TJP1: variants seen among roughly 807,000 people sequenced by gnomAD.
TJP1 encodes the protein tight junction protein 1, also known as tight junction protein ZO-1.
A neutral mutation model predicts 194.2 loss-of-function variants in TJP1; 43 were observed. That is an observed-to-expected ratio of 0.22 (90% CI 0.17 to 0.29). TJP1 has a LOEUF of 0.29. TJP1 is among the 10% of genes least tolerant of loss of function. The pLI, the probability that TJP1 is intolerant of heterozygous loss-of-function variation, is 1.00. For missense variants in TJP1, 1,971 were observed against 2,185.7 expected (o/e 0.90, Z 1.96); for synonymous variants, 801 against 779.0 (o/e 1.03, Z -0.47).
intron 2 of TJP1, among the ~76,000 whole-genome samples, chr15:29,939,701 C>T (rs942539591): frequency 6.6e-6 from 1 of 152,132 alleles, no homozygotes; most frequent in African/African-American, 2.4e-5. Context: ...GAGGTGGGGC[C>T]TTTGGGAGGT....
intron 2 of TJP1, among the ~76,000 whole-genome samples, chr15:29,869,813 T>A (rs1473159928): frequency 1.5e-5 from 2 of 131,266 alleles, no homozygotes; most frequent in East Asian, 4.4e-4. Flanking sequence ...TTTTTTTTTT[T>A]TTTTTTTTTT....
chr15:29,718,789 T>C lies in TJP1; in HGVS notation c.3353A>G (p.Gln1118Arg). The C allele has an allele frequency of 6.2e-7, 1 of 1,614,180 alleles. No homozygotes were observed. The highest frequency in any genetic ancestry group is 8.5e-7 in the Non-Finnish European group (1 of 1,180,042). Residue 1118 changes from glutamine to arginine, a missense_variant, in exon 21 of 28, where the codon CAG (glutamine) becomes CGG (arginine). By Grantham distance (43) the Gln-to-Arg change is conservative. Transcript: ENST00000614355. ...NQHSQDLDSR[Q>R]HPEESSERGY... Reference sequence around the variant, plus strand: ...TCGTTCTGAGGACTCTTCGGGATGCTGTCTGGAGTCAAGGTCTTGAGAGTG... The same window carrying C: ...TCGTTCTGAGGACTCTTCGGGATGCCGTCTGGAGTCAAGGTCTTGAGAGTG...
At chr15:29,838,599 G>A (rs1408246241) in intron 2 of TJP1, among the ~76,000 whole-genome samples, 1 of 108,634 alleles carries the variant, frequency 9.2e-6, no homozygotes, top group Non-Finnish European at 1.9e-5. Context: ...TGTTATACAT[G>A]TACTCTGTGT....
At chr15:29,821,382 T>G (rs2050332711) in intron 1 of TJP1, 1 of 152,244 alleles carries the variant, frequency 6.6e-6, no homozygotes, top group Non-Finnish European at 1.5e-5. Context: ...CAAGTTAAAT[T>G]ATTAAATGTT....
chr15:29,803,942 A>G (rs1481314710), intron 1 of TJP1, among the ~76,000 whole-genome samples: 1 of 152,094 alleles, frequency 6.6e-6, no homozygotes, highest in South Asian at 2.1e-4. Flanking sequence ...TGAAACATCA[A>G]AAGAAGTGGT....
At chr15:29,905,569 A>G (rs1305254343) in intron 2 of TJP1, among the ~76,000 whole-genome samples, 1 of 152,256 alleles carries the variant, frequency 6.6e-6, no homozygotes, top group Non-Finnish European at 1.5e-5. Flanking sequence ...GAATGTTTAT[A>G]GCAGCTTTAA....
intron 2 of TJP1, among the ~76,000 whole-genome samples, chr15:29,872,761 G>A (rs957025563): frequency 3.3e-5 from 5 of 152,132 alleles, no homozygotes; most frequent in African/African-American, 1.2e-4. Context: ...TGCACCAAGG[G>A]CTTGGTGTCC....
rs8030875 is a variant in TJP1 at position 29,837,428 on chromosome 15, G to A, written c.307-36726C>T. Among the ~76,000 whole-genome samples the A allele has an allele frequency of 4.7e-3, 709 of 152,160 alleles. 6 individuals are homozygous for A. The highest frequency in any genetic ancestry group is 0.016 in the African/African-American group (684 of 41,514). On this transcript the variant is annotated intron_variant, in intron 2 of 28. Transcript: ENST00000356107. The stretch of plus-strand genomic sequence containing the variant: ...ACAAAATTAGCTGGGAGTGGCAGTG[G>A]GTGCCTGTAATCCTAGCTACTCAGG...
intron 2 of TJP1, among the ~76,000 whole-genome samples, chr15:29,781,127 A>G (rs2047344724): frequency 6.6e-6 from 1 of 152,162 alleles, no homozygotes; most frequent in Admixed American, 6.5e-5. Context: ...AATAAACACA[A>G]TTAGGACAAA....
chr15:29,875,767 T>C (rs2152122134), intron 2 of TJP1, among the ~76,000 whole-genome samples: 1 of 152,240 alleles, frequency 6.6e-6, no homozygotes. Context: ...GGTTTCACCA[T>C]GTTGGCCAGG....
In TJP1 at chr15:29,711,083, A is replaced by G. The variant is rs968668030; in HGVS notation, c.4203-83T>C. On this transcript the variant is annotated intron_variant, in intron 23 of 27. Transcript: ENST00000614355. The stretch of plus-strand genomic sequence containing the variant: ...AGTTCTCATTTCTCCATGTATCTCT[A>G]AGTTAAAAAAAAAAACTAGAAATTT... 1.2e-5 allele frequency: 17 copies of G among 1,435,354 alleles called. No individual in the cohort carries two copies. The African/African-American group carries it at 2.1e-4, about 18-fold the overall frequency. The allele number at this position is 1,435,354 out of a possible 1,614,324, so 88.9% of individuals were successfully genotyped here.
intron 11 of TJP1, 52 bp from the exon 12 acceptor site, chr15:29,734,434 T>G (rs1463200560): frequency 5.2e-6 from 7 of 1,342,766 alleles, no homozygotes; most frequent in Admixed American, 1.9e-5. Context: ...AATATGAAAA[T>G]AACATACGCA....
chr15:29,926,958 A>G (rs1482808705), intron 2 of TJP1, among the ~76,000 whole-genome samples: 1 of 151,828 alleles, frequency 6.6e-6, no homozygotes, highest in Admixed American at 6.5e-5. Context: ...AAATTTAAAA[A>G]AACTCTAGAT....
At chr15:29,887,835 A>G (rs1239336094) in intron 2 of TJP1, among the ~76,000 whole-genome samples, 1 of 152,248 alleles carries the variant, frequency 6.6e-6, no homozygotes, top group East Asian at 1.9e-4. Flanking sequence ...TAACATTTGT[A>G]TAAGATTTTT....
rs2044494475 is a variant in TJP1, at chr15:29,742,556, G to A, written c.1150+86C>T. The A allele has an allele frequency of 8.0e-6, 11 of 1,366,986 alleles. No individual in the cohort carries two copies. The East Asian group carries it at 2.9e-4, about 36-fold the overall frequency. The allele number at this position is 1,366,986 out of a possible 1,614,324, so 84.7% of individuals were successfully genotyped here. A position where few individuals can be genotyped will look rare whatever the true frequency, so the allele number is the denominator to read the frequency against. On this transcript the variant is annotated intron_variant, in intron 9 of 27. Coordinates refer to ENST00000614355, the MANE Select transcript of TJP1 (RefSeq NM_001330239.4). ...TTCACACATGAGAAGAATAATAATT[G>A]CATCTTTAAAATCTTCTGTAAATCC... is the stretch of plus-strand genomic sequence containing the variant.
chr15:29,846,165 C>T (rs1027614947), intron 2 of TJP1, among the ~76,000 whole-genome samples: 2 of 152,198 alleles, frequency 1.3e-5, no homozygotes, highest in South Asian at 4.1e-4. Flanking sequence ...AGACCCATCA[C>T]CATAACCTCT....
chr15:29,964,141 TG>T (rs1431691376), intron 1 of TJP1, among the ~76,000 whole-genome samples: 5 of 152,134 alleles, frequency 3.3e-5, no homozygotes, highest in Non-Finnish European at 7.4e-5. Flanking sequence ...TCTTTGCTGA[TG>T]TAATTAAAGA....
chr15:29,713,860 C>A (rs1228609616), intron 23 of TJP1, among the ~76,000 whole-genome samples: 1 of 152,176 alleles, frequency 6.6e-6, no homozygotes, highest in Non-Finnish European at 1.5e-5. Context: ...ATACTGGTAT[C>A]CAGCCCAAAC....
intron 1 of TJP1, among the ~76,000 whole-genome samples, chr15:29,811,196 G>A (rs1389698334): frequency 6.6e-6 from 1 of 152,070 alleles, no homozygotes; most frequent in Non-Finnish European, 1.5e-5. Flanking sequence ...TCCACTAGGA[G>A]CTTACTGACC....
Sources: allele counts gnomAD v4.1 joint callset (sites outside exome capture counted in the v4.1 genomes callset), GRCh38; gene constraint gnomAD v4.1.1; transcripts MANE v1.5; gene names NCBI Gene and HGNC (gene_info 2026-07-23, HGNC 2026-07-21).